The following GPR65 variants were observed in gnomAD, a reference collection of about 807,000 sequenced individuals.
GPR65 encodes the protein G protein-coupled receptor 65, also known as T-cell death-associated gene 8 protein.
In GPR65, 2 loss-of-function variants were observed where a neutral mutation model predicts 0.7. That is an observed-to-expected ratio of 2.83 (90% CI 1.16 to 8.92). The LOEUF is 8.92. GPR65 is among the 30% of genes most tolerant of loss of function. The pLI is 0.04. For synonymous variants in GPR65, 128 were observed against 146.5 expected (o/e 0.87, Z 0.91); for missense variants, 379 against 399.4 (o/e 0.95, Z 0.43).
chr14:88,009,826 C>G (rs1324685685), intron 1 of GPR65, among the ~76,000 whole-genome samples: 1 of 152,012 alleles, frequency 6.6e-6, no homozygotes, highest in Non-Finnish European at 1.5e-5. Flanking sequence ...AGTTAGTCGA[C>G]AAAGGAAATA....
chr14:88,011,356 G>A lies in GPR65; in HGVS notation c.509G>A (p.Cys170Tyr), dbSNP rs747102290. 6.2e-7 allele frequency: 1 copy of A among 1,614,108 alleles called. No individual in the cohort carries two copies. Residue 170 changes from cysteine (C) to tyrosine (Y), a missense_variant, in exon 2 of 2, where the codon TGC becomes TAC. Physicochemically the swap from Cys to Tyr is radical, Grantham distance 194. Transcript: ENST00000267549. Reference sequence around the variant, plus strand: ...GCCGAAAAGTCTAATTTTACTTTATGCTATGACAAATACCCTTTAGAGAAA... The same window carrying A: ...GCCGAAAAGTCTAATTTTACTTTATACTATGACAAATACCCTTTAGAGAAA... The part of the protein sequence containing the change: ...CDAEKSNFTL[C>Y]YDKYPLEKWQ...
chr14:88,007,685 T>TA (rs1887614218), intron 1 of GPR65, among the ~76,000 whole-genome samples: 1 of 150,380 alleles, frequency 6.6e-6, no homozygotes, highest in African/African-American at 2.4e-5. Context: ...TTTTGTGTTT[T>TA]TTATATATAT....
chr14:88,010,781 CAA>C lies in GPR65; in HGVS notation c.-65_-64del, dbSNP rs1887664165. 3 of 1,094,144 alleles carry C rather than the reference CAA, an allele frequency of 2.7e-6. No homozygotes were observed. The African/African-American group carries it at 4.7e-5, about 17-fold the overall frequency. The allele number at this position is 1,094,144 out of a possible 1,614,324, so 67.8% of individuals were successfully genotyped here. A position where few individuals can be genotyped will look rare whatever the true frequency, so the allele number is the denominator to read the frequency against. On this transcript the variant is annotated 5_prime_UTR_variant, in exon 2 of 2. An upstream open reading frame in the 5' UTR gains an earlier in-frame stop. Transcript: ENST00000267549. ...CGAATTCGATGTTCAAAACAAACTA[CAA>C]AGAGACAAGACTTCTCTGTTTACTT...
rs937942167 is a variant in GPR65, at chr14:88,005,153, T to C, written c.-529T>C. ...TCCCCTCAGCAGTGTTGGTTTCTCT[T>C]CTTGACTTGATGCAGGCACAGATTT... On this transcript the variant is annotated 5_prime_UTR_variant, in exon 1 of 2. Transcript: ENST00000267549. The C allele has an allele frequency of 3.5e-4, 53 of 152,312 alleles. No homozygotes were observed. The highest frequency in any genetic ancestry group is 1.2e-3 in the African/African-American group (51 of 41,442). The allele number at this position is 152,312 out of a possible 1,614,324, so 9.4% of individuals were successfully genotyped here.
rs750989848 is a variant in GPR65, at chr14:88,011,210, G to A, written c.363G>A (p.Lys121=). ...DRYLAVVYPL[K]FFFLRTRRFA... ...ATTTGGCTGTTGTCTACCCTTTGAA[G>A]TTTTTTTTCCTAAGGACAAGAAGAT... Residue 121 remains lysine (K), a synonymous_variant, in exon 2 of 2, where the codon AAG becomes AAA. Transcript: ENST00000267549. The A allele has an allele frequency of 1.2e-6, 2 of 1,613,486 alleles. No homozygotes were observed. The highest frequency in any genetic ancestry group is 1.7e-6 in the Non-Finnish European group (2 of 1,179,792).
intron 1 of GPR65, among the ~76,000 whole-genome samples, chr14:88,005,823 A>G (rs1016749934): frequency 5.9e-5 from 9 of 152,168 alleles, no homozygotes; most frequent in African/African-American, 9.7e-5. Flanking sequence ...GATTTGTACT[A>G]TTTTTAGATC....
chr14:88,009,350 G>GT (rs1887640897), intron 1 of GPR65, among the ~76,000 whole-genome samples: 1 of 151,990 alleles, frequency 6.6e-6, no homozygotes, highest in African/African-American at 2.4e-5. Context: ...TTTTATTCCT[G>GT]TTTTTTAGGT....
At chr14:88,009,235 G>T (rs902763754) in intron 1 of GPR65, among the ~76,000 whole-genome samples, 4 of 151,876 alleles carry the variant, frequency 2.6e-5, no homozygotes, top group African/African-American at 9.7e-5. Flanking sequence ...CAGAGCTCCG[G>T]CGCTCACTCA....
At chr14:88,010,217 A>G (rs1353039792) in intron 1 of GPR65, among the ~76,000 whole-genome samples, 172 bp from the exon 2 acceptor site, 1 of 152,192 alleles carries the variant, frequency 6.6e-6, no homozygotes, top group Non-Finnish European at 1.5e-5. Flanking sequence ...ACTTGATTTT[A>G]TTTACTGAAG....
intron 1 of GPR65, among the ~76,000 whole-genome samples, chr14:88,008,911 C>T (rs1434064617): frequency 1.3e-5 from 2 of 152,042 alleles, no homozygotes; most frequent in Non-Finnish European, 2.9e-5. Flanking sequence ...ATAATGTAGA[C>T]CCAGACCTAG....
Position 88,007,744 on chromosome 14 carries a change from G to T in GPR65, c.-460+2522G>T, listed in dbSNP as rs1352421707. Among the ~76,000 whole-genome samples the T allele has an allele frequency of 3.4e-5, 5 of 147,704 alleles. No homozygotes were observed. In the Admixed American group the frequency reaches 3.4e-4, roughly 10 times the overall value. On this transcript the variant is annotated intron_variant, in intron 1 of 1. Transcript: ENST00000267549. ...TTTTGTGGATCTGGTTTACTTTGTT[G>T]TTTCTGCTCAATCTGACACGTAGTT...
intron 1 of GPR65, among the ~76,000 whole-genome samples, chr14:88,007,153 T>G (rs191386770): frequency 6.6e-6 from 1 of 152,274 alleles, no homozygotes; most frequent in East Asian, 1.9e-4. Flanking sequence ...AACTGCAATT[T>G]TATTGCAATG....
In GPR65 at chr14:88,012,669, T is replaced by A. The variant is rs541951203; in HGVS notation, c.*808T>A. ...TCCATGTGTAGAATGTATCAGCACT[T>A]CATTTCTTTTTATGGCCTGATAGTA... On this transcript the variant is annotated 3_prime_UTR_variant, in exon 2 of 2. Transcript: ENST00000267549. The A allele has an allele frequency of 6.6e-6, 1 of 152,358 alleles. No homozygotes were observed. The highest frequency in any genetic ancestry group is 1.5e-5 in the Non-Finnish European group (1 of 68,032). The allele number at this position is 152,358 out of a possible 1,614,324, so 9.4% of individuals were successfully genotyped here. A position where few individuals can be genotyped will look rare whatever the true frequency, so the allele number is the denominator to read the frequency against.
Position 88,011,649 on chromosome 14 carries a change from A to G in GPR65, c.802A>G (p.Thr268Ala). ...AGACCACAGCAATTCTGGGAAGCGA[A>G]CTTACACAATGTATAGAATCACGGT... The part of the protein sequence containing the change: ...FEDHSNSGKR[T>A]YTMYRITVAL... The change falls in exon 2 of 2, where the codon ACT becomes GCT. Residue 268 changes from threonine to alanine, a missense_variant. Physicochemically the swap from Thr to Ala is moderately conservative, Grantham distance 58. Coordinates refer to ENST00000267549, the MANE Select transcript of GPR65 (RefSeq NM_003608.4). The G allele has an allele frequency of 6.2e-7, 1 of 1,613,968 alleles. No individual in the cohort carries two copies.
At position 88,012,427 on chromosome 14, in the gene GPR65, G is replaced by T. The variant is rs1887698282; in HGVS notation, c.*566G>T. The T allele has an allele frequency of 6.6e-6, 1 of 152,066 alleles. No homozygotes were observed. Among genetic ancestry groups the T allele is most frequent in the African/African-American group, 2.4e-5 (1 of 41,350 alleles). The allele number at this position is 152,066 out of a possible 1,614,324, so 9.4% of individuals were successfully genotyped here. On this transcript the variant is annotated 3_prime_UTR_variant, in exon 2 of 2. Coordinates refer to ENST00000267549, the MANE Select transcript of GPR65 (RefSeq NM_003608.4). ...CAGTGATTTTTTGTATATTCACAGAGCTGTGCAACCATCACCACACTCAAA... is the reference window on the plus strand; with the variant it reads ...CAGTGATTTTTTGTATATTCACAGATCTGTGCAACCATCACCACACTCAAA...
In GPR65 at chr14:88,013,416, A is replaced by G. The variant is rs1887718691; in HGVS notation, c.*1555A>G. 1 of 152,166 alleles carries G rather than the reference A, an allele frequency of 6.6e-6. No homozygotes were observed. The highest frequency in any genetic ancestry group is 2.4e-5 in the African/African-American group (1 of 41,452). 9.4% of individuals were successfully genotyped at this position (152,166 alleles called of 1,614,324 possible). On this transcript the variant is annotated 3_prime_UTR_variant, in exon 2 of 2. Coordinates refer to ENST00000267549, the MANE Select transcript of GPR65 (RefSeq NM_003608.4). ...GTGTAAATTGCCTCGTTGTAAATAG[A>G]CACTCAGTAAACATTTTCCTCACCA...
intron 1 of GPR65, among the ~76,000 whole-genome samples, chr14:88,010,069 G>C (rs1887650790): frequency 6.6e-6 from 1 of 152,134 alleles, no homozygotes; most frequent in Non-Finnish European, 1.5e-5. Flanking sequence ...ACAAATAACA[G>C]AATTTTTTAT....
At position 88,013,277 on chromosome 14, in the gene GPR65, C is replaced by G. The variant is rs1202855465; in HGVS notation, c.*1416C>G. The G allele has an allele frequency of 1.3e-5, 2 of 152,094 alleles. No individual in the cohort carries two copies. Among genetic ancestry groups the G allele is most frequent in the Non-Finnish European group, 2.9e-5 (2 of 68,040 alleles). The allele number at this position is 152,094 out of a possible 1,614,324, so 9.4% of individuals were successfully genotyped here. A position where few individuals can be genotyped will look rare whatever the true frequency, so the allele number is the denominator to read the frequency against. On this transcript the variant is annotated 3_prime_UTR_variant, in exon 2 of 2. Transcript: ENST00000267549. The stretch of plus-strand genomic sequence containing the variant: ...GCACAGGCTGGTCTCAATCGAACTC[C>G]TGACCTCAAGTGATCATCCCACCTA...
chr14:88,005,678 A>G (rs541625340), intron 1 of GPR65, among the ~76,000 whole-genome samples: 21 of 152,264 alleles, frequency 1.4e-4, no homozygotes, highest in Admixed American at 1.1e-3. Flanking sequence ...AATAATTATT[A>G]GTTAATAAGT....
Sources: allele counts gnomAD v4.1 joint callset (sites outside exome capture counted in the v4.1 genomes callset), GRCh38; gene constraint gnomAD v4.1.1; transcripts MANE v1.5; gene names NCBI Gene and HGNC (gene_info 2026-07-23, HGNC 2026-07-21).